The following EBF2 variants were observed in gnomAD, a reference collection of about 807,000 sequenced individuals.
EBF2 encodes transcription factor COE2.
EBF2 carries 21 observed loss-of-function variants against 72.8 expected under a neutral mutation model. The observed-to-expected ratio is 0.29, with a 90% CI of 0.20 to 0.42. EBF2 has a LOEUF of 0.42. Among genes scored for constraint, EBF2 ranks in the 10% least tolerant of loss-of-function variants. The pLI is 1.00. For synonymous variants in EBF2, 299 were observed against 274.2 expected (o/e 1.09, Z -0.89); for missense variants, 637 against 731.2 (o/e 0.87, Z 1.49).
chr8:26,044,911 G>T lies in EBF2; in HGVS notation c.-52C>A, dbSNP rs768123789. ...CTTTAAAAGTAAGAGTTACAACACAGTCCTGACTGTTCCCAACGTTGCCAG... is the reference window on the plus strand; with the variant it reads ...CTTTAAAAGTAAGAGTTACAACACATTCCTGACTGTTCCCAACGTTGCCAG... On this transcript the variant is annotated 5_prime_UTR_variant, in exon 1 of 16. In the 5' UTR this introduces an upstream ATG that the reference lacks. Coordinates refer to ENST00000520164, the MANE Select transcript of EBF2 (RefSeq NM_022659.4). This position sits in a 1 kb window ranked among gnomAD's most constrained non-coding sequence, Gnocchi z 4.1. 6.3e-7 allele frequency: 1 copy of T among 1,582,648 alleles called. No homozygotes were observed. Among genetic ancestry groups the T allele is most frequent in the African/African-American group, 1.3e-5 (1 of 74,122 alleles).
chr8:25,867,902 CCATTT>C (rs1184473839), intron 10 of EBF2, among the ~76,000 whole-genome samples: 1 of 152,160 alleles, frequency 6.6e-6, no homozygotes. Context: ...AAAAAATCAT[CCATTT>C]CATCAAGATT....
At chr8:26,018,496 C>CAAAAAAAAAAAAAAAAA (rs10555042) in intron 6 of EBF2, among the ~76,000 whole-genome samples, 3 of 81,620 alleles carry the variant, frequency 3.7e-5, no homozygotes, top group African/African-American at 5.1e-5. Flanking sequence ...ACTAAAAATA[C>CAAAAAAAAAAAAAAAAA]AAAAAAAAAA....
chr8:25,901,300 T>A (rs1802948414), intron 7 of EBF2, among the ~76,000 whole-genome samples: 1 of 151,652 alleles, frequency 6.6e-6, no homozygotes, highest in Non-Finnish European at 1.5e-5. Flanking sequence ...CACACACCCG[T>A]AGTCCTAGCT....
chr8:25,858,487 T>C lies in EBF2; in HGVS notation c.1360A>G (p.Ser454Gly). The C allele has an allele frequency of 6.2e-7, 1 of 1,613,780 alleles. No homozygotes were observed. Among genetic ancestry groups the C allele is most frequent in the Non-Finnish European group, 8.5e-7 (1 of 1,179,954 alleles). Residue 454 changes from serine (S) to glycine (G), a missense_variant, in exon 14 of 16, where the codon AGC (serine) becomes GGC (glycine). Transcript: ENST00000520164. ...GAGTATCCCCGCGGAGAGATGCTGC[T>C]TGTGTTGCGGATGTACCCTTGGCAA... ...GNNQGYIRNT[S>G]SISPRGYSSS...
chr8:25,849,210 C>T (rs1284516855), intron 15 of EBF2, among the ~76,000 whole-genome samples: 1 of 152,194 alleles, frequency 6.6e-6, no homozygotes, highest in Non-Finnish European at 1.5e-5. Flanking sequence ...TAATTTTCAA[C>T]AATGTTTCTG....
intron 6 of EBF2, among the ~76,000 whole-genome samples, chr8:25,986,340 C>T (rs1049675943): frequency 6.6e-6 from 1 of 152,158 alleles, no homozygotes; most frequent in Non-Finnish European, 1.5e-5. Context: ...TCTAACTTCT[C>T]TCTCACTGGG....
intron 10 of EBF2, among the ~76,000 whole-genome samples, chr8:25,878,360 G>C (rs1802556441): frequency 6.6e-6 from 1 of 152,204 alleles, no homozygotes; most frequent in Non-Finnish European, 1.5e-5. Context: ...TGGCTGGAAA[G>C]ACAGGAGGGC....
rs191270500 is a variant in EBF2 at position 25,852,254 on chromosome 8, T to C, written c.1529-1493A>G. Among the ~76,000 whole-genome samples, 123 of 152,328 alleles carry C rather than the reference T, an allele frequency of 8.1e-4. 2 individuals are homozygous for C. Among genetic ancestry groups the C allele is most frequent in the African/African-American group, 2.9e-3 (120 of 41,582 alleles). On this transcript the variant is annotated intron_variant, in intron 14 of 15. Coordinates refer to ENST00000520164, the MANE Select transcript of EBF2 (RefSeq NM_022659.4). ...GGTTAAGCATGAGGAGTGGGTCTTA[T>C]TCATGGTTCTGAGCAAAATCTCTTC...
intron 6 of EBF2, among the ~76,000 whole-genome samples, chr8:25,913,772 A>G (rs17054566): frequency 0.012 from 1,874 of 152,300 alleles, 43 homozygotes; most frequent in African/African-American, 0.043. Flanking sequence ...TCAAACGTAC[A>G]GTTGATATGG....
At chr8:26,043,086 C>A (rs1033753410) in intron 1 of EBF2, among the ~76,000 whole-genome samples, 5 of 152,364 alleles carry the variant, frequency 3.3e-5, no homozygotes, top group Middle Eastern at 3.4e-3. Context: ...GCGGCGCCAG[C>A]CGAACCCAGT....
At chr8:25,869,240 T>C (rs946487908) in intron 10 of EBF2, among the ~76,000 whole-genome samples, 1 of 152,190 alleles carries the variant, frequency 6.6e-6, no homozygotes, top group Non-Finnish European at 1.5e-5. Context: ...AAATGACAAC[T>C]GCTCTGGATA....
At chr8:25,925,642 C>G (rs1361038795) in intron 6 of EBF2, among the ~76,000 whole-genome samples, 1 of 152,130 alleles carries the variant, frequency 6.6e-6, no homozygotes, top group Non-Finnish European at 1.5e-5. Flanking sequence ...TGTGTCAAAG[C>G]CAGGAACACA....
intron 6 of EBF2, among the ~76,000 whole-genome samples, chr8:25,960,465 T>C (rs1317514925): frequency 6.6e-6 from 1 of 152,150 alleles, no homozygotes; most frequent in African/African-American, 2.4e-5. Context: ...CATGAACAAA[T>C]AGCCAGAATA....
chr8:25,914,148 C>T (rs1209547912), intron 6 of EBF2, among the ~76,000 whole-genome samples: 1 of 152,182 alleles, frequency 6.6e-6, no homozygotes, highest in Non-Finnish European at 1.5e-5. Context: ...CCCATGAGTT[C>T]ATTTTCTCAC....
chr8:25,985,223 A>T (rs367655919), intron 6 of EBF2, among the ~76,000 whole-genome samples: 2 of 152,176 alleles, frequency 1.3e-5, no homozygotes, highest in African/African-American at 4.8e-5. Flanking sequence ...CACCAAGTGT[A>T]AGAGTGCCCT....
chr8:25,891,580 A>T (rs1410201037), intron 7 of EBF2, among the ~76,000 whole-genome samples: 11 of 139,308 alleles, frequency 7.9e-5, no homozygotes, highest in East Asian at 4.2e-4. Flanking sequence ...ATCCTGTCGT[A>T]TTTTTTTTTT....
intron 6 of EBF2, among the ~76,000 whole-genome samples, chr8:26,019,178 G>A (rs1805165378): frequency 6.6e-6 from 1 of 152,026 alleles, no homozygotes; most frequent in Non-Finnish European, 1.5e-5. Flanking sequence ...AAGCTTTTAG[G>A]AAGTATTTCT....
rs535610554 is a variant in EBF2, at chr8:25,867,062, A to G, written c.1010-4265T>C. Among the ~76,000 whole-genome samples, 4 of 152,324 alleles carry G rather than the reference A, an allele frequency of 2.6e-5. No individual in the cohort carries two copies. In the East Asian group the frequency reaches 7.7e-4, roughly 29 times the overall value. ...ATTCAACCATTAATACCAGATTAAC[A>G]TTTCCTTAACACAACTGGCACAAGG... On this transcript the variant is annotated intron_variant, in intron 10 of 15. Coordinates refer to ENST00000520164, the MANE Select transcript of EBF2 (RefSeq NM_022659.4).
chr8:25,979,389 T>G (rs1342079993), intron 6 of EBF2, among the ~76,000 whole-genome samples: 1 of 152,188 alleles, frequency 6.6e-6, no homozygotes, highest in Non-Finnish European at 1.5e-5. Flanking sequence ...CATTGTGTCA[T>G]GCCACACGGC....
Sources: gnomAD v4.1 joint callset for allele counts (sites outside exome capture counted in the v4.1 genomes callset) on GRCh38, gnomAD v4.1.1 for gene constraint, Gnocchi (gnomAD v3.1) non-coding constraint, MANE v1.5 for transcripts, NCBI Gene and HGNC (gene_info 2026-07-23, HGNC 2026-07-21) for gene names.